The following PPARGC1A variants were observed in gnomAD, a reference collection of about 807,000 sequenced individuals.
PPARGC1A encodes the protein peroxisome proliferator-activated receptor gamma coactivator 1-alpha.
PPARGC1A carries 25 observed loss-of-function variants against 88.7 expected under a neutral mutation model. The observed-to-expected ratio is 0.28, with a 90% CI of 0.21 to 0.39. The LOEUF is 0.39. PPARGC1A is among the 10% of genes least tolerant of loss of function. The pLI, the probability that PPARGC1A is intolerant of heterozygous loss-of-function variation, is 1.00. For missense variants in PPARGC1A, 880 were observed against 968.7 expected (o/e 0.91, Z 1.22); for synonymous variants, 363 against 355.6 (o/e 1.02, Z -0.24).
the PPARGC1A span, among the ~76,000 whole-genome samples, chr4:24,225,136 G>A: frequency 6.6e-6 from 1 of 152,176 alleles, no homozygotes; most frequent in African/African-American, 2.4e-5. Flanking sequence ...GGGGAATGAT[G>A]GAACTAGTTT....
At chr4:24,456,057 A>G in the PPARGC1A span, among the ~76,000 whole-genome samples, 12 of 152,222 alleles carry the variant, frequency 7.9e-5, no homozygotes, top group Admixed American at 1.3e-4. Flanking sequence ...TGCCATTAAA[A>G]GGTATAGTAC....
At chr4:24,225,468 C>G in the PPARGC1A span, among the ~76,000 whole-genome samples, 1 of 151,346 alleles carries the variant, frequency 6.6e-6, no homozygotes, top group Non-Finnish European at 1.5e-5. Context: ...ACTCGGGAGG[C>G]TGAGGCAGGA....
the PPARGC1A span, among the ~76,000 whole-genome samples, chr4:24,356,057 C>T: frequency 4.1e-4 from 63 of 152,074 alleles, 1 homozygote; most frequent in Admixed American, 2.9e-3. Context: ...ATTAGCCAGG[C>T]GTGGTGGCGC....
intron 10 of PPARGC1A, among the ~76,000 whole-genome samples, chr4:23,805,640 T>C (rs1016382732): frequency 2.6e-5 from 4 of 152,216 alleles, no homozygotes; most frequent in Admixed American, 1.3e-4. Context: ...CATTCCATTC[T>C]GTTTATGCAG....
chr4:24,083,432 C>G, the PPARGC1A span, among the ~76,000 whole-genome samples: 1 of 152,180 alleles, frequency 6.6e-6, no homozygotes, highest in South Asian at 2.1e-4. Context: ...ACACAACTAA[C>G]CACTCAGCAT....
At chr4:24,242,676 A>G in the PPARGC1A span, among the ~76,000 whole-genome samples, 1 of 152,116 alleles carries the variant, frequency 6.6e-6, no homozygotes. Context: ...TAAAGTCTCG[A>G]TAGCCTTGAT....
chr4:24,458,891 C>T, the PPARGC1A span, among the ~76,000 whole-genome samples: 6 of 151,880 alleles, frequency 4.0e-5, no homozygotes, highest in African/African-American at 1.2e-4. Context: ...ACATGTGATA[C>T]CAACTTAAAT....
At chr4:24,343,763 T>C in the PPARGC1A span, among the ~76,000 whole-genome samples, 1 of 151,352 alleles carries the variant, frequency 6.6e-6, no homozygotes, top group Admixed American at 6.6e-5. Flanking sequence ...TTTTTTTTAA[T>C]TTCCATAAGT....
At chr4:24,408,117 A>C in the PPARGC1A span, among the ~76,000 whole-genome samples, 2 of 152,148 alleles carry the variant, frequency 1.3e-5, no homozygotes, top group Admixed American at 1.3e-4. Context: ...CCTGAACTTG[A>C]GTGAGCTTCT....
At chr4:24,087,356 C>T in the PPARGC1A span, among the ~76,000 whole-genome samples, 1 of 152,154 alleles carries the variant, frequency 6.6e-6, no homozygotes, top group South Asian at 2.1e-4. Flanking sequence ...CCGTGATACA[C>T]CTTGATCCTT....
chr4:24,188,844 C>T, the PPARGC1A span, among the ~76,000 whole-genome samples: 1 of 151,940 alleles, frequency 6.6e-6, no homozygotes, highest in Non-Finnish European at 1.5e-5. Flanking sequence ...ATTTATACAC[C>T]CCTATTCATG....
chr4:24,053,847 T>C, the PPARGC1A span, among the ~76,000 whole-genome samples: 1 of 152,308 alleles, frequency 6.6e-6, no homozygotes, highest in Non-Finnish European at 1.5e-5. Flanking sequence ...TTAAAACATA[T>C]TATCCTGTGC....
At chr4:24,332,272 C>T in the PPARGC1A span, among the ~76,000 whole-genome samples, 1 of 152,072 alleles carries the variant, frequency 6.6e-6, no homozygotes, top group Non-Finnish European at 1.5e-5. Flanking sequence ...ACCACCATGC[C>T]TGGCCTAGAA....
chr4:23,913,259 TATATATATAGAGAGAG>T, the PPARGC1A span, among the ~76,000 whole-genome samples: 148 of 49,002 alleles, frequency 3.0e-3, no homozygotes, highest in African/African-American at 0.01. Flanking sequence ...TATATATATA[TATATATATAGAGAGAG>T]AGAGAGAGAG....
chr4:23,826,574 A>G (rs1723980352), intron 5 of PPARGC1A, among the ~76,000 whole-genome samples: 1 of 152,128 alleles, frequency 6.6e-6, no homozygotes, highest in South Asian at 2.1e-4. Flanking sequence ...CGATCCTCCT[A>G]GTTATCTCTA....
chr4:24,419,884 C>T, the PPARGC1A span, among the ~76,000 whole-genome samples: 1,517 of 152,316 alleles, frequency 1.0e-2, 26 homozygotes, highest in Middle Eastern at 0.044. Flanking sequence ...AACTCACAAA[C>T]TAGCACAAAT....
the PPARGC1A span, among the ~76,000 whole-genome samples, chr4:24,254,891 T>G: frequency 2.9e-4 from 44 of 152,344 alleles, no homozygotes; most frequent in African/African-American, 1.1e-3. Context: ...AGCTGATTAC[T>G]TCTCATAAAT....
the PPARGC1A span, among the ~76,000 whole-genome samples, chr4:24,326,857 G>A: frequency 3.3e-5 from 5 of 152,108 alleles, no homozygotes; most frequent in Admixed American, 1.3e-4. Flanking sequence ...TGCGTGCAGC[G>A]GCTGCCGCTG....
the PPARGC1A span, among the ~76,000 whole-genome samples, chr4:24,122,436 T>TAGAGAGAG: frequency 5.6e-5 from 7 of 124,244 alleles, no homozygotes; most frequent in African/African-American, 1.3e-4. Flanking sequence ...TATATATATA[T>TAGAGAGAG]AGAGAGAGAG....
Sources: allele counts gnomAD v4.1 joint callset (sites outside exome capture counted in the v4.1 genomes callset), GRCh38; gene constraint gnomAD v4.1.1; transcripts MANE v1.5; gene names NCBI Gene and HGNC (gene_info 2026-07-23, HGNC 2026-07-21).